RNF17: variants seen among roughly 807,000 people sequenced by gnomAD.
RNF17 encodes the protein ring finger protein 17, also known as spermatogenesis associated 23.
Under a neutral mutation model 200.5 loss-of-function variants are expected in RNF17, and 31 were observed. That is an observed-to-expected ratio of 0.15 (90% CI 0.12 to 0.21). The LOEUF (loss-of-function observed/expected upper bound fraction) is 0.21, where lower values mean the gene tolerates loss of function less well. Among genes scored for constraint, RNF17 ranks in the 10% least tolerant of loss-of-function variants. The pLI is 1.00. For missense variants in RNF17, 1,628 were observed against 1,905.1 expected (o/e 0.85, Z 2.71); for synonymous variants, 606 against 637.8 (o/e 0.95, Z 0.75).
chr13:24,858,575 G>GATATATATATATATATATATAT (rs397770900), intron 25 of RNF17, among the ~76,000 whole-genome samples: 1,666 of 142,838 alleles, frequency 0.012, 20 homozygotes, highest in East Asian at 0.026. Flanking sequence ...ATCAGTTATG[G>GATATATATATATATATATATAT]ATATATATAT....
downstream of RNF17, chr13:24,883,856 A>C (rs1327388167): frequency 2.4e-6 from 3 of 1,252,034 alleles, no homozygotes; most frequent in Non-Finnish European, 3.5e-6. Context: ...GAACCCCCTA[A>C]TATGGGTGTC....
At chr13:24,798,580 G>C (rs1165597418) in intron 11 of RNF17, among the ~76,000 whole-genome samples, 3 of 152,124 alleles carry the variant, frequency 2.0e-5, no homozygotes, top group Non-Finnish European at 4.4e-5. Flanking sequence ...AAGACTACCT[G>C]AGTTCTCCTG....
At chr13:24,880,168 G>A (rs1953769846), downstream of RNF17, among the ~76,000 whole-genome samples, 1 of 152,148 alleles carries the variant, frequency 6.6e-6, no homozygotes, top group Non-Finnish European at 1.5e-5. Flanking sequence ...CACATGGCTG[G>A]GGAGGCCTCA....
chr13:24,840,561 A>G (rs73162060), intron 18 of RNF17, among the ~76,000 whole-genome samples: 19,929 of 152,088 alleles, frequency 0.13, 1,741 homozygotes, highest in South Asian at 0.32. Context: ...ATGATGGACT[A>G]CTACACAGCC....
the RNF17 span, among the ~76,000 whole-genome samples, chr13:24,754,347 A>G: frequency 6.6e-6 from 1 of 152,272 alleles, no homozygotes; most frequent in East Asian, 1.9e-4. Flanking sequence ...CCAGGAGTAG[A>G]CATACAGGCC....
At chr13:24,764,361 G>T in intron 1 of RNF17, 28 bp downstream of exon 1, 2 of 1,558,720 alleles carry the variant, frequency 1.3e-6, no homozygotes, top group Non-Finnish European at 8.7e-7. Flanking sequence ...CCACCTAGCG[G>T]GGAGGCAGCC....
chr13:24,836,460 G>A (rs1414200467), intron 18 of RNF17, among the ~76,000 whole-genome samples: 1 of 152,158 alleles, frequency 6.6e-6, no homozygotes, highest in African/African-American at 2.4e-5. Flanking sequence ...TGAGACAGAA[G>A]CACCAGGTAA....
intron 33 of RNF17, among the ~76,000 whole-genome samples, chr13:24,875,338 TGGATAGCTTGTTTTATGAAG>T (rs1483497773): frequency 6.6e-6 from 1 of 152,196 alleles, no homozygotes; most frequent in East Asian, 1.9e-4. Flanking sequence ...AGTTTACAAA[TGGATAGCTTGTTTTATGAAG>T]GGATAAGATG....
chr13:24,774,077 C>T (rs1421016565), intron 2 of RNF17, among the ~76,000 whole-genome samples: 1 of 143,598 alleles, frequency 7.0e-6, no homozygotes, highest in African/African-American at 2.5e-5. Context: ...AACACTGTCT[C>T]GAGCAGGGAT....
chr13:24,872,646 G>A (rs1361768570), intron 32 of RNF17, among the ~76,000 whole-genome samples: 1 of 152,160 alleles, frequency 6.6e-6, no homozygotes, highest in African/African-American at 2.4e-5. Flanking sequence ...TGTAAACCAA[G>A]TAGAGTATGA....
chr13:24,762,183 A>G (rs1474704356), upstream of RNF17, among the ~76,000 whole-genome samples: 1 of 152,094 alleles, frequency 6.6e-6, no homozygotes, highest in Non-Finnish European at 1.5e-5. Context: ...CAGCCTGTGC[A>G]ACACAGTGAA....
chr13:24,817,383 C>T (rs60850140), intron 15 of RNF17, among the ~76,000 whole-genome samples: 18,829 of 152,026 alleles, frequency 0.12, 1,268 homozygotes, highest in Admixed American at 0.15. Context: ...GTAGGTTATC[C>T]AGTTTGTTGG....
rs1885105916 is a variant in RNF17, at chr13:24,800,405, G to A, written c.1629G>A (p.Lys543=). The change falls in exon 13 of 36, where the codon AAG becomes AAA. Residue 543 remains lysine, a synonymous_variant. Transcript: ENST00000255324. ...ATGTGAGACCAGAACACTCTGCTAAGCAACATATTGCACTAAATGATTTAT... is the reference window on the plus strand; with the variant it reads ...ATGTGAGACCAGAACACTCTGCTAAACAACATATTGCACTAAATGATTTAT... The part of the protein sequence containing the change: ...DTHVRPEHSA[K]QHIALNDLCL... 1 of 1,611,288 alleles carries A rather than the reference G, an allele frequency of 6.2e-7. No homozygotes were observed. Among genetic ancestry groups the A allele is most frequent in the South Asian group, 1.1e-5 (1 of 90,778 alleles).
chr13:24,881,488 T>A (rs923443376), downstream of RNF17, among the ~76,000 whole-genome samples: 1 of 152,010 alleles, frequency 6.6e-6, no homozygotes, highest in Non-Finnish European at 1.5e-5. Context: ...CATTTAAAAA[T>A]CCTTACCTCT....
In RNF17 at chr13:24,764,888, G is replaced by GGTGTGGGTGT. The variant is rs1555262370; in HGVS notation, c.130+560_130+561insGGTGTGTGTG. 6.3e-4 allele frequency among the ~76,000 whole-genome samples: 84 copies of GGTGTGGGTGT among 134,166 alleles called. 1 individual carries two copies. The East Asian group carries it at 0.015, about 24-fold the overall frequency. The allele number at this position is 134,166 out of a possible 152,430, so 88.0% of individuals were successfully genotyped here. A position where few individuals can be genotyped will look rare whatever the true frequency, so the allele number is the denominator to read the frequency against. On this transcript the variant is annotated intron_variant, in intron 1 of 35. Coordinates refer to ENST00000255324, the MANE Select transcript of RNF17 (RefSeq NM_031277.3). ...ATAGTTTCTTTTGTGCACCTTGTGG[G>GGTGTGGGTGT]GTGTGTGTGTGTGTGTGTGTGTGTG...
rs143831233 is a variant in RNF17 at position 24,871,633 on chromosome 13, C to CTTTTTTT, written c.4447+905_4447+911dup. On this transcript the variant is annotated intron_variant, in intron 32 of 35. Coordinates refer to ENST00000255324, the MANE Select transcript of RNF17 (RefSeq NM_031277.3). The stretch of plus-strand genomic sequence containing the variant: ...ATAGGCATGAGCCAACTTGCCCAGC[C>CTTTTTTT]TTTTTTTTTTTTTTTTTGGAGATGA... Among the ~76,000 whole-genome samples, 18 of 128,512 alleles carry CTTTTTTT rather than the reference C, an allele frequency of 1.4e-4. No individual in the cohort carries two copies. In the East Asian group the frequency reaches 2.2e-3, roughly 16 times the overall value. 84.3% of individuals were successfully genotyped at this position (128,512 alleles called of 152,430 possible).
At chr13:24,874,901 C>G (rs1358232603) in intron 33 of RNF17, among the ~76,000 whole-genome samples, 1 of 152,186 alleles carries the variant, frequency 6.6e-6, no homozygotes, top group Non-Finnish European at 1.5e-5. Context: ...TGTCTCTGAA[C>G]TTGCCTGTTC....
chr13:24,855,531 G>A (rs1276641692), intron 25 of RNF17, among the ~76,000 whole-genome samples: 1 of 152,016 alleles, frequency 6.6e-6, no homozygotes, highest in African/African-American at 2.4e-5. Flanking sequence ...AGGAGGCTGA[G>A]GCAGGAGAAT....
intron 7 of RNF17, among the ~76,000 whole-genome samples, chr13:24,788,550 T>C (rs1455848499): frequency 6.6e-6 from 1 of 152,064 alleles, no homozygotes; most frequent in Non-Finnish European, 1.5e-5. Flanking sequence ...ACATAAACAA[T>C]TTAGGTGTGG....
Sources: allele counts gnomAD v4.1 joint callset (sites outside exome capture counted in the v4.1 genomes callset), GRCh38; gene constraint gnomAD v4.1.1; transcripts MANE v1.5; gene names NCBI Gene and HGNC (gene_info 2026-07-23, HGNC 2026-07-21).